PLD1: variants seen among roughly 807,000 people sequenced by gnomAD.
PLD1 encodes the protein choline phosphatase 1.
In PLD1, 112 loss-of-function variants were observed where a neutral mutation model predicts 137.1. That is an observed-to-expected ratio of 0.82 (90% CI 0.70 to 0.96). The LOEUF (loss-of-function observed/expected upper bound fraction) is 0.96, where lower values mean the gene tolerates loss of function less well. PLD1 is among the 40% of genes least tolerant of loss of function. PLD1 has a pLI of 0.00. For synonymous variants in PLD1, 431 were observed against 454.7 expected, an observed-to-expected ratio of 0.95 and a Z score of 0.66; for missense variants, 1,321 against 1,342.0, an observed-to-expected ratio of 0.98 and a Z score of 0.24.
At chr3:171,682,282 G>A (rs1714094378) in intron 16 of PLD1, among the ~76,000 whole-genome samples, 1 of 152,108 alleles carries the variant, frequency 6.6e-6, no homozygotes. Flanking sequence ...GAAAATGACT[G>A]AGTGATTTTG....
chr3:171,803,177 A>C (rs1380358145), intron 1 of PLD1, among the ~76,000 whole-genome samples: 1 of 152,190 alleles, frequency 6.6e-6, no homozygotes, highest in Non-Finnish European at 1.5e-5. Context: ...AAAAGGAAGA[A>C]TCAAGGGTTA....
At chr3:171,618,848 A>AGTGT (rs138468678) in intron 24 of PLD1, among the ~76,000 whole-genome samples, 4,644 of 128,592 alleles carry the variant, frequency 0.036, 179 homozygotes, top group African/African-American at 0.12. Flanking sequence ...AAATATTAAA[A>AGTGT]GTGTGTGTGC....
At chr3:171,800,803 C>G (rs903130933) in intron 1 of PLD1, among the ~76,000 whole-genome samples, 1 of 152,166 alleles carries the variant, frequency 6.6e-6, no homozygotes, top group African/African-American at 2.4e-5. Context: ...TCCCCAGAGG[C>G]TGCCTTTTCA....
intron 16 of PLD1, among the ~76,000 whole-genome samples, chr3:171,681,214 C>A (rs1713935242): frequency 6.6e-6 from 1 of 152,194 alleles, no homozygotes; most frequent in Non-Finnish European, 1.5e-5. Flanking sequence ...TATTTATTAT[C>A]TTTATTGATC....
intron 25 of PLD1, among the ~76,000 whole-genome samples, chr3:171,607,269 T>G (rs565616118): frequency 1.3e-5 from 2 of 152,338 alleles, no homozygotes; most frequent in South Asian, 4.1e-4. Flanking sequence ...ACAATTTTAC[T>G]GCATCAAATG....
intron 20 of PLD1, among the ~76,000 whole-genome samples, chr3:171,659,728 T>C (rs1476069451): frequency 6.6e-6 from 1 of 152,178 alleles, no homozygotes; most frequent in Non-Finnish European, 1.5e-5. Flanking sequence ...TTTAACAGAG[T>C]AGATGGTAAA....
intron 1 of PLD1, among the ~76,000 whole-genome samples, chr3:171,780,088 T>A (rs1051297413): frequency 6.6e-6 from 1 of 151,892 alleles, no homozygotes; most frequent in Non-Finnish European, 1.5e-5. Flanking sequence ...GATTCAGGAC[T>A]GGGGTTTATA....
In PLD1 at chr3:171,602,966, G is replaced by T; in HGVS notation, c.*112C>A. ...CCCCAGTCATTCCAAAAGGTCCTTG[G>T]GTTGGATACGAGAATGCGTCAGGCC... On this transcript the variant is annotated 3_prime_UTR_variant, in exon 27 of 27. Transcript: ENST00000351298. The T allele has an allele frequency of 1.4e-6, 1 of 721,690 alleles. No individual in the cohort carries two copies. The highest frequency in any genetic ancestry group is 2.4e-6 in the Non-Finnish European group (1 of 421,952). 44.7% of individuals were successfully genotyped at this position (721,690 alleles called of 1,614,324 possible). A position where few individuals can be genotyped will look rare whatever the true frequency, so the allele number is the denominator to read the frequency against.
At chr3:171,642,018 T>C (rs1735794826) in intron 23 of PLD1, among the ~76,000 whole-genome samples, 3 of 152,032 alleles carry the variant, frequency 2.0e-5, no homozygotes, top group South Asian at 2.1e-4. Context: ...CACAAAGATA[T>C]AGAGCAAAGA....
rs1731798383 is a variant in PLD1, at chr3:171,601,005, A to G, written c.*2073T>C. The G allele has an allele frequency of 6.6e-6, 1 of 152,234 alleles. No homozygotes were observed. The highest frequency in any genetic ancestry group is 2.4e-5 in the African/African-American group (1 of 41,454). The allele number at this position is 152,234 out of a possible 1,614,324, so 9.4% of individuals were successfully genotyped here. ...GGGGGAGACAGACAAACACATAAAT[A>G]CAAAATATCAGAGGGTTCAAAACAG... On this transcript the variant is annotated 3_prime_UTR_variant, in exon 27 of 27. Transcript: ENST00000351298.
intron 13 of PLD1, among the ~76,000 whole-genome samples, chr3:171,691,327 A>G (rs1715129227): frequency 6.6e-6 from 1 of 152,124 alleles, no homozygotes. Flanking sequence ...TATTTGTAAG[A>G]TACTTCTGTA....
At chr3:171,630,608 C>T (rs1342722135) in intron 23 of PLD1, among the ~76,000 whole-genome samples, 1 of 138,306 alleles carries the variant, frequency 7.2e-6, no homozygotes, top group Non-Finnish European at 1.5e-5. Context: ...AGACTTGGAA[C>T]CAACCCAAAT....
chr3:171,695,593 G>A (rs1715612255), intron 12 of PLD1, among the ~76,000 whole-genome samples: 1 of 152,168 alleles, frequency 6.6e-6, no homozygotes, highest in South Asian at 2.1e-4. Flanking sequence ...AACTACATGG[G>A]AAGACAATGA....
At chr3:171,713,426 A>G (rs2108215464) in intron 9 of PLD1, among the ~76,000 whole-genome samples, 1 of 152,378 alleles carries the variant, frequency 6.6e-6, no homozygotes, top group South Asian at 2.1e-4. Flanking sequence ...CAGTGAGCAG[A>G]GATTGCACCA....
intron 21 of PLD1, among the ~76,000 whole-genome samples, chr3:171,648,175 A>T (rs1442974500): frequency 6.6e-6 from 1 of 152,154 alleles, no homozygotes; most frequent in East Asian, 1.9e-4. Context: ...ACTAGCATAC[A>T]GTATCTGTGA....
intron 13 of PLD1, among the ~76,000 whole-genome samples, chr3:171,690,088 T>TC (rs950244019): frequency 2.0e-5 from 3 of 152,214 alleles, no homozygotes; most frequent in African/African-American, 4.8e-5. Context: ...GTTTTCTATT[T>TC]CTTCATGATT....
intron 1 of PLD1, among the ~76,000 whole-genome samples, chr3:171,756,998 A>C (rs1226552561): frequency 6.6e-6 from 1 of 152,224 alleles, no homozygotes; most frequent in Non-Finnish European, 1.5e-5. Flanking sequence ...ATCAATATTC[A>C]AAGAAAGGGC....
rs1736991688 is a variant in PLD1, at chr3:171,653,950, A to G, written c.2429+5263T>C. 4 of 268,818 alleles carry G rather than the reference A, an allele frequency of 1.5e-5. No individual in the cohort carries two copies. In the Admixed American group the frequency reaches 2.1e-4, roughly 14 times the overall value. 16.7% of individuals were successfully genotyped at this position (268,818 alleles called of 1,614,324 possible). On this transcript the variant is annotated intron_variant, in intron 21 of 26. Coordinates refer to ENST00000351298, the MANE Select transcript of PLD1 (RefSeq NM_002662.5). Reference sequence around the variant, plus strand: ...CTGGAGAGAATCCAGGTCTCCAGACATCTGGTCCCCCAATAATTTCAGATT... The same window carrying G: ...CTGGAGAGAATCCAGGTCTCCAGACGTCTGGTCCCCCAATAATTTCAGATT...
At chr3:171,635,152 T>A (rs557577091) in intron 23 of PLD1, among the ~76,000 whole-genome samples, 11 of 152,306 alleles carry the variant, frequency 7.2e-5, no homozygotes, top group Admixed American at 5.2e-4. Context: ...TACACCCCAT[T>A]TTGTTTATAC....
Sources: allele counts gnomAD v4.1 joint callset (sites outside exome capture counted in the v4.1 genomes callset), GRCh38; gene constraint gnomAD v4.1.1; transcripts MANE v1.5; gene names NCBI Gene and HGNC (gene_info 2026-07-23, HGNC 2026-07-21).